Variants in ROR2 observed in about 807,000 individuals in gnomAD.
The protein encoded by ROR2 is ROR family WNT receptor 2.
Under a neutral mutation model 74.9 loss-of-function variants are expected in ROR2, and 33 were observed. The ratio of observed to expected loss-of-function variants is 0.44; its 90% CI spans 0.33 to 0.59. ROR2 has a LOEUF of 0.59. Among genes scored for constraint, ROR2 ranks in the 20% least tolerant of loss-of-function variants. The pLI is 0.02. For missense variants in ROR2, 1,216 were observed against 1,313.8 expected (o/e 0.93, Z 1.15); for synonymous variants, 586 against 558.7 (o/e 1.05, Z -0.69).
At position 91,733,496 on chromosome 9, in the gene ROR2, C is replaced by A; in HGVS notation, c.623-60G>T. 6.6e-7 allele frequency: 1 copy of A among 1,524,610 alleles called. No homozygotes were observed. Among genetic ancestry groups the A allele is most frequent in the Non-Finnish European group, 8.8e-7 (1 of 1,131,316 alleles). The allele number at this position is 1,524,610 out of a possible 1,614,324, so 94.4% of individuals were successfully genotyped here. On this transcript the variant is annotated intron_variant, in intron 5 of 8. Coordinates refer to ENST00000375708, the MANE Select transcript of ROR2 (RefSeq NM_004560.4). This position sits in a 1 kb window ranked among gnomAD's most constrained non-coding sequence, Gnocchi z 5.7. ...CCCACCTTGCGCCCTTGACATTCATCCAGTCCCCACCCCCAGCCTGGCATC... is the reference window on the plus strand; with the variant it reads ...CCCACCTTGCGCCCTTGACATTCATACAGTCCCCACCCCCAGCCTGGCATC...
Position 91,837,147 on chromosome 9 carries a change from T to G in ROR2, c.98-61329A>C, listed in dbSNP as rs1371153195. Among the ~76,000 whole-genome samples, 5 of 152,238 alleles carry G rather than the reference T, an allele frequency of 3.3e-5. No homozygotes were observed. The East Asian group carries it at 7.7e-4, about 24-fold the overall frequency. On this transcript the variant is annotated intron_variant, in intron 1 of 8. Coordinates refer to ENST00000375708, the MANE Select transcript of ROR2 (RefSeq NM_004560.4). ...CTGTTCTGCATTGCTTACTGTTTTT[T>G]TTTTTGTTGTTGTTGTTGTTTTTTG... is the stretch of plus-strand genomic sequence containing the variant.
Position 91,805,348 on chromosome 9 carries a change from T to C in ROR2, c.98-29530A>G, listed in dbSNP as rs140180281. Among the ~76,000 whole-genome samples, 28 of 152,306 alleles carry C rather than the reference T, an allele frequency of 1.8e-4. No individual in the cohort carries two copies. The East Asian group carries it at 5.4e-3, about 29-fold the overall frequency. On this transcript the variant is annotated intron_variant, in intron 1 of 8. Coordinates refer to ENST00000375708, the MANE Select transcript of ROR2 (RefSeq NM_004560.4). ...TCCTTCTCCCAGCCTGGGGCCCAGG[T>C]ACACAGGTGAGGACCCCAAGACACA...
intron 1 of ROR2, among the ~76,000 whole-genome samples, chr9:91,826,802 G>T (rs900804938): frequency 6.7e-6 from 1 of 149,096 alleles, no homozygotes. Context: ...AAAGAAAAAA[G>T]AAAAAAGAAA....
At chr9:91,759,264 G>A (rs1273961067) in intron 2 of ROR2, among the ~76,000 whole-genome samples, 4 of 152,142 alleles carry the variant, frequency 2.6e-5, no homozygotes, top group Non-Finnish European at 4.4e-5. Flanking sequence ...CTTCATTCAC[G>A]GGACAGTGGA....
At chr9:91,895,018 C>CAGAT (rs1330976931) in intron 1 of ROR2, among the ~76,000 whole-genome samples, 1 of 152,190 alleles carries the variant, frequency 6.6e-6, no homozygotes, top group Non-Finnish European at 1.5e-5. Context: ...AACTTGGAAG[C>CAGAT]AGATGTCCTT....
chr9:91,744,213 C>CTTTTTTTTTTTT (rs1167780367), intron 4 of ROR2, among the ~76,000 whole-genome samples: 5 of 89,082 alleles, frequency 5.6e-5, no homozygotes, highest in Non-Finnish European at 7.9e-5. Flanking sequence ...AATTTGTTAA[C>CTTTTTTTTTTTT]TTTTTTTTTT....
intron 2 of ROR2, among the ~76,000 whole-genome samples, chr9:91,763,584 T>G (rs1232736667): frequency 6.6e-6 from 1 of 152,232 alleles, no homozygotes; most frequent in Non-Finnish European, 1.5e-5. Flanking sequence ...CTTTGGAATA[T>G]TTCTCGTCAT....
At chr9:91,835,743 C>T (rs931831049) in intron 1 of ROR2, among the ~76,000 whole-genome samples, 2 of 152,120 alleles carry the variant, frequency 1.3e-5, no homozygotes, top group Non-Finnish European at 2.9e-5. Flanking sequence ...CTGCAGGAGG[C>T]GGAAGGGTGC....
At position 91,860,416 on chromosome 9, in the gene ROR2, C is replaced by T. The variant is rs1047724198; in HGVS notation, c.98-84598G>A. 8.5e-5 allele frequency among the ~76,000 whole-genome samples: 13 copies of T among 152,148 alleles called. 1 individual carries two copies. Among genetic ancestry groups the T allele is most frequent in the Admixed American group, 5.9e-4 (9 of 15,280 alleles). On this transcript the variant is annotated intron_variant, in intron 1 of 8. Transcript: ENST00000375708. ...CCATCTTTGAGCAAGCACATGCCAA[C>T]GGACAAAATGTATTAGTCAGAGTTG... is the stretch of plus-strand genomic sequence containing the variant.
chr9:91,764,190 A>G (rs1277961348), intron 2 of ROR2, among the ~76,000 whole-genome samples: 1 of 152,202 alleles, frequency 6.6e-6, no homozygotes, highest in Non-Finnish European at 1.5e-5. Flanking sequence ...AATTCTGCCT[A>G]GAAAATCATT....
intron 1 of ROR2, among the ~76,000 whole-genome samples, chr9:91,927,815 C>T (rs1389579374): frequency 2.6e-5 from 4 of 152,258 alleles, no homozygotes; most frequent in Middle Eastern, 3.4e-3. Flanking sequence ...CCACCCTCCT[C>T]GGCCTCCCAA....
At chr9:91,764,902 G>A (rs369749754) in intron 2 of ROR2, among the ~76,000 whole-genome samples, 50 of 152,274 alleles carry the variant, frequency 3.3e-4, no homozygotes, top group African/African-American at 1.2e-3. Context: ...GTGACTGTTG[G>A]AAGTCCTGCA....
At chr9:91,802,518 T>A (rs1023005036) in intron 1 of ROR2, among the ~76,000 whole-genome samples, 2 of 152,034 alleles carry the variant, frequency 1.3e-5, no homozygotes, top group African/African-American at 4.8e-5. Flanking sequence ...CCAAAAGACA[T>A]AAGGGCAGCA....
intron 4 of ROR2, among the ~76,000 whole-genome samples, chr9:91,742,258 T>G (rs775407384): frequency 1.3e-5 from 2 of 152,144 alleles, no homozygotes; most frequent in African/African-American, 2.4e-5. Context: ...CCGACCCCCA[T>G]GATTCAATTA....
intron 1 of ROR2, among the ~76,000 whole-genome samples, chr9:91,887,785 TC>T (rs1564021348): frequency 1.8e-5 from 2 of 111,274 alleles, no homozygotes; most frequent in East Asian, 2.3e-4. Context: ...ACACTTTTTT[TC>T]TCTTTTTTTT....
intron 1 of ROR2, among the ~76,000 whole-genome samples, chr9:91,934,765 A>C (rs960006210): frequency 6.6e-5 from 10 of 152,228 alleles, no homozygotes; most frequent in Admixed American, 6.5e-4. Context: ...ACAACAACAA[A>C]AAGAGAGTAC....
chr9:91,724,717 C>T lies in ROR2; in HGVS notation c.1777G>A (p.Val593Met), dbSNP rs146067291. Residue 593 changes from valine to methionine, a missense_variant, in exon 9 of 9, where the codon GTG becomes ATG. Physicochemically the swap from Val to Met is conservative, Grantham distance 21. Coordinates refer to ENST00000375708, the MANE Select transcript of ROR2 (RefSeq NM_004560.4). Reference sequence around the variant, plus strand: ...GCCGCGATCTGTGCCACAAGGTGCACGAAGTCGGGGGGCTCCAGGGCGGAC... The same window carrying T: ...GCCGCGATCTGTGCCACAAGGTGCATGAAGTCGGGGGGCTCCAGGGCGGAC... ...VKSALEPPDF[V>M]HLVAQIAAGM... 58 of 1,614,066 alleles carry T rather than the reference C, an allele frequency of 3.6e-5. No individual in the cohort carries two copies. The highest frequency in any genetic ancestry group is 4.6e-5 in the Non-Finnish European group (54 of 1,180,044).
intron 4 of ROR2, among the ~76,000 whole-genome samples, chr9:91,744,308 C>T (rs1003723089): frequency 6.7e-6 from 1 of 149,204 alleles, no homozygotes; most frequent in African/African-American, 2.5e-5. Flanking sequence ...TCACTGCCAC[C>T]TCCACCTCCT....
chr9:91,815,326 T>C (rs573630260), intron 1 of ROR2, among the ~76,000 whole-genome samples: 1 of 152,364 alleles, frequency 6.6e-6, no homozygotes, highest in South Asian at 2.1e-4. Flanking sequence ...TGATCAGTTA[T>C]TACAGAGCGG....
Sources: gnomAD v4.1 joint callset for allele counts (sites outside exome capture counted in the v4.1 genomes callset) on GRCh38, gnomAD v4.1.1 for gene constraint, Gnocchi (gnomAD v3.1) non-coding constraint, MANE v1.5 for transcripts, NCBI Gene and HGNC (gene_info 2026-07-23, HGNC 2026-07-21) for gene names.